The following CELF4 variants were observed in gnomAD, a reference collection of about 807,000 sequenced individuals.
CELF4 encodes the protein CUG-BP- and ETR-3-like factor 4.
Under a neutral mutation model 59.9 loss-of-function variants are expected in CELF4, and 18 were observed. That is an observed-to-expected ratio of 0.30 (90% confidence interval 0.21 to 0.45). The LOEUF (loss-of-function observed/expected upper bound fraction) is 0.45, where lower values mean the gene tolerates loss of function less well. Ranked by LOEUF, CELF4 falls within the 20% of genes least tolerant of loss-of-function variation. The pLI, the probability that CELF4 is intolerant of heterozygous loss-of-function variation, is 1.00. For missense variants in CELF4, 456 were observed against 689.0 expected, an observed-to-expected ratio of 0.66 and a Z score of 3.79; for synonymous variants, 261 against 267.1, an observed-to-expected ratio of 0.98 and a Z score of 0.22.
chr18:37,563,925 A>T (rs930309371), intron 1 of CELF4, among the ~76,000 whole-genome samples: 3 of 152,204 alleles, frequency 2.0e-5, no homozygotes, highest in African/African-American at 7.2e-5. Flanking sequence ...CTGGAGAAAG[A>T]GGGTGGTTGT....
At chr18:37,380,019 C>T (rs1410306322) in intron 2 of CELF4, among the ~76,000 whole-genome samples, 1 of 152,156 alleles carries the variant, frequency 6.6e-6, no homozygotes, top group Non-Finnish European at 1.5e-5. Context: ...ACCTTCTGTC[C>T]ATGTTCTTCA....
intron 2 of CELF4, among the ~76,000 whole-genome samples, chr18:37,382,193 A>G (rs1183640918): frequency 1.3e-5 from 2 of 152,220 alleles, no homozygotes; most frequent in African/African-American, 2.4e-5. Context: ...GAGGCAGGGA[A>G]TGTTACCATC....
intron 2 of CELF4, among the ~76,000 whole-genome samples, chr18:37,431,154 G>C (rs8087316): frequency 0.094 from 14,372 of 152,176 alleles, 748 homozygotes; most frequent in East Asian, 0.16. Context: ...CAGCTCTGTT[G>C]CTTGACTGTG....
chr18:37,492,892 G>A (rs77297525), intron 1 of CELF4, among the ~76,000 whole-genome samples: 9 of 152,112 alleles, frequency 5.9e-5, no homozygotes, highest in African/African-American at 1.7e-4. Flanking sequence ...AGTAACAGGC[G>A]GGAAAAAGAC....
intron 1 of CELF4, among the ~76,000 whole-genome samples, chr18:37,499,488 C>G (rs1177099967): frequency 6.6e-6 from 1 of 152,184 alleles, no homozygotes; most frequent in African/African-American, 2.4e-5. Context: ...AGGGGACAGC[C>G]TGGGAGGGAC....
chr18:37,411,240 G>A (rs1285272554), intron 2 of CELF4, among the ~76,000 whole-genome samples: 1 of 152,200 alleles, frequency 6.6e-6, no homozygotes. Context: ...ACAGATATAA[G>A]CCACTATACC....
chr18:37,286,791 C>T (rs558483535), intron 3 of CELF4, among the ~76,000 whole-genome samples: 1 of 152,104 alleles, frequency 6.6e-6, no homozygotes, highest in South Asian at 2.1e-4. Context: ...GTGCCGAGAA[C>T]CTCTAGCGAC....
intron 2 of CELF4, among the ~76,000 whole-genome samples, chr18:37,332,092 G>C (rs2097564329): frequency 6.6e-6 from 1 of 152,202 alleles, no homozygotes; most frequent in South Asian, 2.1e-4. Context: ...TTCAGTTCCA[G>C]AATGACCAGC....
chr18:37,403,207 AAC>A (rs2099350075), intron 2 of CELF4, among the ~76,000 whole-genome samples: 3 of 152,150 alleles, frequency 2.0e-5, no homozygotes, highest in South Asian at 4.2e-4. Flanking sequence ...CATTGGACTA[AAC>A]ACAGTCCCGG....
At chr18:37,408,987 C>T (rs1282646423) in intron 2 of CELF4, among the ~76,000 whole-genome samples, 3 of 152,186 alleles carry the variant, frequency 2.0e-5, no homozygotes, top group African/African-American at 4.8e-5. Context: ...TCCCCCGCAC[C>T]GGGTGCTTAG....
chr18:37,270,815 T>G lies in CELF4; in HGVS notation c.1052A>C (p.Gln351Pro), dbSNP rs968624719. The G allele has an allele frequency of 6.2e-7, 1 of 1,614,008 alleles. No individual in the cohort carries two copies. Among genetic ancestry groups the G allele is most frequent in the South Asian group, 1.1e-5 (1 of 91,080 alleles). ...GGCGAACACAGCTTCCGCAGCAGGT[T>G]GCCCATTGGCCTGTGGGGGGAGGCC... ...FTGLPPQANG[Q>P]PAAEAVFANG... The change falls in exon 8 of 13, where the codon CAA (glutamine) becomes CCA (proline). Residue 351 changes from glutamine (Q) to proline (P), a missense_variant. Around this residue, in one of 7 missense-constraint regions of CELF4, gnomAD observed 256 missense variants for 340.8 expected, o/e 0.75. Coordinates refer to ENST00000420428, the MANE Select transcript of CELF4 (RefSeq NM_020180.4).
chr18:37,478,755 A>G (rs576144889), intron 2 of CELF4, among the ~76,000 whole-genome samples: 1 of 152,298 alleles, frequency 6.6e-6, no homozygotes, highest in African/African-American at 2.4e-5. Context: ...TAGCCCCTAT[A>G]CCCATCTGTC....
At chr18:37,437,032 C>A (rs563328853) in intron 2 of CELF4, among the ~76,000 whole-genome samples, 24 of 152,278 alleles carry the variant, frequency 1.6e-4, no homozygotes, top group Non-Finnish European at 2.6e-4. Context: ...TCACTCACCC[C>A]CTCCCCAGCC....
intron 8 of CELF4, among the ~76,000 whole-genome samples, chr18:37,267,277 A>C (rs2078120103): frequency 6.6e-6 from 1 of 152,176 alleles, no homozygotes; most frequent in African/African-American, 2.4e-5. Flanking sequence ...TGACACTGTG[A>C]CCCTGGGATG....
chr18:37,519,949 G>T (rs2099955365), intron 1 of CELF4, among the ~76,000 whole-genome samples: 1 of 152,192 alleles, frequency 6.6e-6, no homozygotes, highest in South Asian at 2.1e-4. Flanking sequence ...GAGACAAGGG[G>T]TTCCTTGTTA....
intron 2 of CELF4, among the ~76,000 whole-genome samples, chr18:37,428,378 A>T (rs1398684965): frequency 6.6e-6 from 1 of 152,006 alleles, no homozygotes; most frequent in Non-Finnish European, 1.5e-5. Context: ...CAGGCAGGGG[A>T]TGAGGGAGGA....
intron 12 of CELF4, among the ~76,000 whole-genome samples, chr18:37,251,855 A>G (rs1012152350): frequency 5.9e-5 from 9 of 152,190 alleles, no homozygotes; most frequent in Non-Finnish European, 1.0e-4. Flanking sequence ...GCCTGGCACA[A>G]GAAGGTGCCC....
Position 37,565,621 on chromosome 18 carries a change from C to T in CELF4, c.21G>A (p.Thr7=). 1 of 1,602,596 alleles carries T rather than the reference C, an allele frequency of 6.2e-7. No homozygotes were observed. Among genetic ancestry groups the T allele is most frequent in the Non-Finnish European group, 8.5e-7 (1 of 1,173,254 alleles). The change falls in exon 1 of 13, where the codon ACG becomes ACA. Residue 7 remains threonine, a synonymous_variant. Transcript: ENST00000420428. ...CGTTGTCAGCCTGTCCGTTTGCTAA[C>T]GTGGCCATCTTTATATACATAGAGA... MYIKMA[T]LANGQADNAS...
At chr18:37,315,374 C>G (rs1278081854) in intron 3 of CELF4, among the ~76,000 whole-genome samples, 1 of 152,106 alleles carries the variant, frequency 6.6e-6, no homozygotes, top group Non-Finnish European at 1.5e-5. Context: ...CCCCTCTTTC[C>G]CAGGACTCTC....
Sources: gnomAD v4.1 joint callset for allele counts (sites outside exome capture counted in the v4.1 genomes callset) on GRCh38, gnomAD v4.1.1 for gene constraint, gnomAD v4.1.1 regional missense constraint, MANE v1.5 for transcripts, NCBI Gene and HGNC (gene_info 2026-07-23, HGNC 2026-07-21) for gene names.